The following MEF2C variants were observed in gnomAD, a reference collection of about 807,000 sequenced individuals.
MEF2C encodes myocyte enhancer factor 2C, also known as myocyte-specific enhancer factor 2C.
A neutral mutation model predicts 50.5 loss-of-function variants in MEF2C; 6 were observed. That is an observed-to-expected ratio of 0.12 (90% CI 0.07 to 0.23). The LOEUF (loss-of-function observed/expected upper bound fraction) is 0.23. Ranked by LOEUF, MEF2C falls within the 10% of genes least tolerant of loss-of-function variation. The pLI is 1.00. For synonymous variants in MEF2C, 183 were observed against 228.0 expected, an observed-to-expected ratio of 0.80 and a Z score of 1.78; for missense variants, 276 against 605.0, an observed-to-expected ratio of 0.46 and a Z score of 5.70.
At chr5:88,738,636 A>C (rs967165675) in intron 6 of MEF2C, 26 of 985,244 alleles carry the variant, frequency 2.6e-5, no homozygotes, top group Non-Finnish European at 3.1e-5. Flanking sequence ...GCTCTGAGAT[A>C]GTGAAAGCCT....
In MEF2C at chr5:88,811,084, A is replaced by G. The variant is rs143034807; in HGVS notation, c.55-6283T>C. Among the ~76,000 whole-genome samples, 6 of 152,250 alleles carry G rather than the reference A, an allele frequency of 3.9e-5. No homozygotes were observed. The East Asian group carries it at 7.7e-4, about 20-fold the overall frequency. On this transcript the variant is annotated intron_variant, in intron 2 of 10. Transcript: ENST00000504921. ...ACTGATCTTTTTGTTTGTCAGAACC[A>G]TCTTTGGTAGCATATTCAGTTCTGA...
intron 1 of MEF2C, chr5:88,838,377 G>T (rs562154430): frequency 6.7e-4 from 120 of 178,658 alleles, no homozygotes; most frequent in East Asian, 1.2e-3. Context: ...GCTGTTTTTG[G>T]TTTTTTTTTT....
At chr5:88,874,269 T>C (rs1237799802) in intron 1 of MEF2C, among the ~76,000 whole-genome samples, 1 of 151,960 alleles carries the variant, frequency 6.6e-6, no homozygotes, top group Non-Finnish European at 1.5e-5. Flanking sequence ...ATATGTTCAA[T>C]AGTTGAAACT....
chr5:88,791,059 G>A (rs920237158), intron 3 of MEF2C, among the ~76,000 whole-genome samples: 1 of 152,088 alleles, frequency 6.6e-6, no homozygotes, highest in African/African-American at 2.4e-5. Context: ...AACTTTTCCT[G>A]AGGAAGTAAG....
intron 1 of MEF2C, among the ~76,000 whole-genome samples, chr5:88,872,196 C>T (rs529910153): frequency 8.6e-5 from 13 of 151,992 alleles, no homozygotes; most frequent in African/African-American, 3.1e-4. Flanking sequence ...GAACTCTTGG[C>T]GAGGCTGGTT....
At chr5:88,879,221 TAGA>T (rs1832051416) in intron 1 of MEF2C, among the ~76,000 whole-genome samples, 1 of 151,874 alleles carries the variant, frequency 6.6e-6, no homozygotes, top group Non-Finnish European at 1.5e-5. Context: ...ACTTCAATTT[TAGA>T]AGAAGCAAAA....
At chr5:88,856,554 A>G (rs886837658) in intron 1 of MEF2C, among the ~76,000 whole-genome samples, 3 of 152,208 alleles carry the variant, frequency 2.0e-5, no homozygotes, top group African/African-American at 7.2e-5. Flanking sequence ...TCACAGGCCC[A>G]GAGGCCTAGG....
intron 3 of MEF2C, chr5:88,772,901 T>C (rs2152791464): frequency 6.1e-6 from 6 of 985,456 alleles, no homozygotes; most frequent in African/African-American, 1.7e-5. Context: ...TAGATGCTAA[T>C]TGAGGGTTTT....
rs140999435 is a variant in MEF2C, at chr5:88,817,438, T to C, written c.54+6297A>G. 5.1e-3 allele frequency among the ~76,000 whole-genome samples: 779 copies of C among 152,134 alleles called. 14 individuals are homozygous for C. Among genetic ancestry groups the C allele is most frequent in the African/African-American group, 0.018 (737 of 41,554 alleles). ...GAACACATTTTTCCAGCTTTTTTCC[T>C]AGTTCATCTTATATAATTTATAATT... On this transcript the variant is annotated intron_variant, in intron 2 of 10. Transcript: ENST00000504921.
At chr5:88,844,645 C>T in intron 1 of MEF2C, 2 of 754,412 alleles carry the variant, frequency 2.7e-6, no homozygotes, top group Non-Finnish European at 3.2e-6. Flanking sequence ...CTAACTTTTT[C>T]TCTGATTCAA....
At chr5:88,850,583 C>A (rs1281504621) in intron 1 of MEF2C, among the ~76,000 whole-genome samples, 3 of 151,988 alleles carry the variant, frequency 2.0e-5, no homozygotes, top group Non-Finnish European at 4.4e-5. Flanking sequence ...ACCTTCAGGG[C>A]CACTATGATG....
chr5:88,780,795 T>C, intron 3 of MEF2C: 3 of 985,454 alleles, frequency 3.0e-6, no homozygotes, highest in Non-Finnish European at 3.6e-6. Flanking sequence ...TGTGTTATCC[T>C]TGCTAATTAC....
At chr5:88,757,947 G>C (rs1776126263) in intron 4 of MEF2C, among the ~76,000 whole-genome samples, 2 of 151,738 alleles carry the variant, frequency 1.3e-5, no homozygotes, top group South Asian at 4.1e-4. Flanking sequence ...AAATAAAATA[G>C]AGGTCATTAT....
At chr5:88,857,343 AC>A (rs1187468967) in intron 1 of MEF2C, among the ~76,000 whole-genome samples, 1 of 152,098 alleles carries the variant, frequency 6.6e-6, no homozygotes, top group Non-Finnish European at 1.5e-5. Flanking sequence ...GATAGGTGGA[AC>A]TAACTAACAT....
chr5:88,750,192 A>C, intron 5 of MEF2C: 1 of 591,426 alleles, frequency 1.7e-6, no homozygotes, highest in Non-Finnish European at 2.1e-6. Flanking sequence ...TTATATATAT[A>C]CATATATATA....
intron 1 of MEF2C, among the ~76,000 whole-genome samples, chr5:88,895,807 C>T (rs1438534187): frequency 6.6e-6 from 1 of 152,178 alleles, no homozygotes; most frequent in African/African-American, 2.4e-5. Flanking sequence ...TCAGCCGCCC[C>T]TTTATGTCCG....
At chr5:88,756,128 T>C (rs538468382) in intron 4 of MEF2C, among the ~76,000 whole-genome samples, 42 of 152,338 alleles carry the variant, frequency 2.8e-4, no homozygotes, top group African/African-American at 9.4e-4. Flanking sequence ...TCTTTTGCTT[T>C]ACCTGTATCA....
chr5:88,797,523 T>A (rs1367534509), intron 3 of MEF2C, among the ~76,000 whole-genome samples: 3 of 150,538 alleles, frequency 2.0e-5, no homozygotes, highest in African/African-American at 7.3e-5. Context: ...ATCCCTTTAT[T>A]TTGAGCCTAT....
chr5:88,728,460 T>G (rs1759885456), intron 10 of MEF2C, 33 bp downstream of exon 10: 1 of 1,346,374 alleles, frequency 7.4e-7, no homozygotes, highest in African/African-American at 1.5e-5. Context: ...AAATACATTC[T>G]AAAATTATAT....
Sources: gnomAD v4.1 joint callset for allele counts (sites outside exome capture counted in the v4.1 genomes callset) on GRCh38, gnomAD v4.1.1 for gene constraint, MANE v1.5 for transcripts, NCBI Gene and HGNC (gene_info 2026-07-23, HGNC 2026-07-21) for gene names.